The following NUDT18 variants were observed in gnomAD, a reference collection of about 807,000 sequenced individuals.
NUDT18 encodes 8-oxo-dGDP phosphatase NUDT18.
Under a neutral mutation model 27.6 loss-of-function variants are expected in NUDT18, and 26 were observed. The ratio of observed to expected loss-of-function variants is 0.94; its 90% CI spans 0.69 to 1.31. The LOEUF (loss-of-function observed/expected upper bound fraction) is 1.31, where lower values mean the gene tolerates loss of function less well. Ranked by LOEUF, NUDT18 falls within the 50% of genes most tolerant of loss-of-function variation. NUDT18 has a pLI of 0.00. For missense variants in NUDT18, 450 were observed against 433.4 expected (o/e 1.04, Z -0.34); for synonymous variants, 220 against 196.9 (o/e 1.12, Z -0.98).
chr8:22,109,347 G>A lies in NUDT18; in HGVS notation c.-47C>T, dbSNP rs1481727590. 4 of 1,323,592 alleles carry A rather than the reference G, an allele frequency of 3.0e-6. No individual in the cohort carries two copies. In the South Asian group the frequency reaches 5.8e-5, roughly 19 times the overall value. The allele number at this position is 1,323,592 out of a possible 1,614,324, so 82.0% of individuals were successfully genotyped here. ...GGCCGGATCCTCGCAGACCGACTGA[G>A]CCGAGCCGCGGGCTAGAGTGCGCTG... is the stretch of plus-strand genomic sequence containing the variant. On this transcript the variant is annotated 5_prime_UTR_variant, in exon 1 of 3. Transcript: ENST00000611621.
chr8:22,110,017 C>A (rs1169511453), upstream of NUDT18, among the ~76,000 whole-genome samples: 1 of 135,260 alleles, frequency 7.4e-6, no homozygotes, highest in African/African-American at 2.7e-5. Flanking sequence ...GTGCTAAATG[C>A]TTGGTTTGGG....
chr8:22,108,058 G>C (rs1456260383), intron 2 of NUDT18, 75 bp downstream of exon 2: 1 of 1,409,000 alleles, frequency 7.1e-7, no homozygotes, highest in Non-Finnish European at 9.4e-7. Flanking sequence ...TGGCTGTAGA[G>C]GGGCTCACCT....
chr8:22,107,127 G>C lies in NUDT18; in HGVS notation c.*173C>G. The C allele has an allele frequency of 1.7e-6, 1 of 603,528 alleles. No homozygotes were observed. The highest frequency in any genetic ancestry group is 2.9e-6 in the Non-Finnish European group (1 of 342,348). 37.4% of individuals were successfully genotyped at this position (603,528 alleles called of 1,614,324 possible). ...CGCTTGGTTAAAGGCACTGTCCCTTGTGCAATCTAGAGGAATGCTCCTCAA... is the reference window on the plus strand; with the variant it reads ...CGCTTGGTTAAAGGCACTGTCCCTTCTGCAATCTAGAGGAATGCTCCTCAA... On this transcript the variant is annotated 3_prime_UTR_variant, in exon 3 of 3. Transcript: ENST00000611621.
Position 22,109,394 on chromosome 8 carries a change from G to GCGGAGACCGCTCCCAGTCCCTA in NUDT18, c.-95_-94insTAGGGACTGGGAGCGGTCTCCG. On this transcript the variant is annotated 5_prime_UTR_variant, in exon 1 of 3. Coordinates refer to ENST00000611621, the MANE Select transcript of NUDT18 (RefSeq NM_024815.4). ...GCTGCGGAGCCCGCTCCCAGTCCCT[G>GCGGAGACCGCTCCCAGTCCCTA]CGGCAGCGGGCCGGGAGCTCACGAG... 2 of 1,212,142 alleles carry GCGGAGACCGCTCCCAGTCCCTA rather than the reference G, an allele frequency of 1.6e-6. No homozygotes were observed. Among genetic ancestry groups the GCGGAGACCGCTCCCAGTCCCTA allele is most frequent in the Non-Finnish European group, 2.1e-6 (2 of 940,036 alleles). 75.1% of individuals were successfully genotyped at this position (1,212,142 alleles called of 1,614,324 possible). A position where few individuals can be genotyped will look rare whatever the true frequency, so the allele number is the denominator to read the frequency against.
At chr8:22,110,362 C>T (rs554410817), upstream of NUDT18, among the ~76,000 whole-genome samples, 1 of 152,380 alleles carries the variant, frequency 6.6e-6, no homozygotes, top group African/African-American at 2.4e-5. Flanking sequence ...CACTGGAAGG[C>T]AAAGCCAGCT....
Position 22,107,226 on chromosome 8 carries a change from C to T in NUDT18, c.*74G>A, listed in dbSNP as rs559502531. On this transcript the variant is annotated 3_prime_UTR_variant, in exon 3 of 3. Coordinates refer to ENST00000611621, the MANE Select transcript of NUDT18 (RefSeq NM_024815.4). ...AAGATCCCTGATCGCCAGCCTCTTGCCTCCCTCAGAGGGAGACAAGTCCGC... is the reference window on the plus strand; with the variant it reads ...AAGATCCCTGATCGCCAGCCTCTTGTCTCCCTCAGAGGGAGACAAGTCCGC... The T allele has an allele frequency of 6.9e-5, 80 of 1,158,242 alleles. 1 individual carries two copies. The East Asian group carries it at 1.3e-3, about 19-fold the overall frequency. 71.7% of individuals were successfully genotyped at this position (1,158,242 alleles called of 1,614,324 possible).
In NUDT18 at chr8:22,109,144, C is replaced by A. The variant is rs539298217; in HGVS notation, c.157G>T (p.Glu53Ter). The A allele has an allele frequency of 2.0e-5, 29 of 1,437,918 alleles. No homozygotes were observed. The highest frequency in any genetic ancestry group is 2.8e-5 in the South Asian group (2 of 72,276). 89.1% of individuals were successfully genotyped at this position (1,437,918 alleles called of 1,614,324 possible). A position where few individuals can be genotyped will look rare whatever the true frequency, so the allele number is the denominator to read the frequency against. The change falls in exon 1 of 3, where the codon GAG becomes TAG. Residue 53 changes from glutamate to a stop codon, truncating the protein, a stop_gained. Coordinates refer to ENST00000611621, the MANE Select transcript of NUDT18 (RefSeq NM_024815.4). LOFTEE classifies it high-confidence loss of function. ...CYVVLAVFLS[E>*]QDEVLLIQEA... ...GCCCGGGGGCGGCCGCTCACCTGCTCGCTGAGGAACACGGCCAGCACCACG... is the reference window on the plus strand; with the variant it reads ...GCCCGGGGGCGGCCGCTCACCTGCTAGCTGAGGAACACGGCCAGCACCACG...
rs1826395376 is a variant in NUDT18 at position 22,107,862 on chromosome 8, G to A, written c.410C>T (p.Ala137Val). The change falls in exon 3 of 3, where the codon GCG (alanine) becomes GTG (valine). Residue 137 changes from alanine to valine, a missense_variant. Ala to Val is a moderately conservative substitution (Grantham distance 64). Transcript: ENST00000611621. ...GTACCAGGCAGCCTGCAGGGACTCC[G>A]CATCGGCCTCCTTGGAAGTCTTGAG... Reference protein sequence around the residue: ...GILKTSKEADAESLQAAWYPR... With the variant: ...GILKTSKEADVESLQAAWYPR... 3 of 1,597,282 alleles carry A rather than the reference G, an allele frequency of 1.9e-6. No homozygotes were observed. Among genetic ancestry groups the A allele is most frequent in the Admixed American group, 1.7e-5 (1 of 59,040 alleles).
Position 22,109,277 on chromosome 8 carries a change from C to A in NUDT18, c.24G>T (p.Gly8=). 7.2e-7 allele frequency: 1 copy of A among 1,388,758 alleles called. No homozygotes were observed. Among genetic ancestry groups the A allele is most frequent in the Non-Finnish European group, 9.3e-7 (1 of 1,077,596 alleles). The allele number at this position is 1,388,758 out of a possible 1,614,324, so 86.0% of individuals were successfully genotyped here. A position where few individuals can be genotyped will look rare whatever the true frequency, so the allele number is the denominator to read the frequency against. Residue 8 remains glycine (G), a synonymous_variant, in exon 1 of 3, where the codon GGG becomes GGT. Coordinates refer to ENST00000611621, the MANE Select transcript of NUDT18 (RefSeq NM_024815.4). ...GGCCAGCCAGCACGGAAGCCAGCGC[C>A]CCCGCCAGGCCCTCCGAGGCCATCG... MASEGLA[G]ALASVLAGQG...
chr8:22,108,218 C>A lies in NUDT18; in HGVS notation c.291G>T (p.Gly97=). Residue 97 remains glycine, a synonymous_variant, in exon 2 of 3, where the codon GGG becomes GGT. Transcript: ENST00000611621. ...ALQREVKEEA[G]LHCEPETLLS... is the part of the protein sequence containing the mutation. ...GCAGTGTCTCGGGCTCACAGTGCAG[C>A]CCCGCCTCCTCCTTCACCTCCCGCT... 1.9e-6 allele frequency: 3 copies of A among 1,597,192 alleles called. No homozygotes were observed. The highest frequency in any genetic ancestry group is 1.1e-5 in the South Asian group (1 of 88,290).
rs1014662103 is a variant in NUDT18 at position 22,106,940 on chromosome 8, C to T, written c.*360G>A. ...TCGGGGGACCTTCCCCAGTGCCCCT[C>T]CATGCTCGAAGGGCCTGGAAGGATC... On this transcript the variant is annotated 3_prime_UTR_variant, in exon 3 of 3. Coordinates refer to ENST00000611621, the MANE Select transcript of NUDT18 (RefSeq NM_024815.4). 2.5e-4 allele frequency: 49 copies of T among 195,738 alleles called. No individual in the cohort carries two copies. Among genetic ancestry groups the T allele is most frequent in the African/African-American group, 1.1e-3 (47 of 43,016 alleles). 12.1% of individuals were successfully genotyped at this position (195,738 alleles called of 1,614,324 possible).
rs3739435 is a variant in NUDT18, at chr8:22,107,602, T to C, written c.670A>G (p.Met224Val). Residue 224 changes from methionine to valine, a missense_variant, in exon 3 of 3, where the codon ATG (methionine) becomes GTG (valine). Physicochemically the swap from Met to Val is conservative, Grantham distance 21. Transcript: ENST00000611621. The part of the protein sequence containing the change: ...LPVTACGLDP[M>V]EQRGGMKMAV... ...ATCTTCATGCCACCCCTCTGCTCCA[T>C]AGGGTCGAGGCCACAGGCAGTGACA... 0.48 allele frequency: 774,546 copies of C among 1,612,790 alleles called. 189,229 individuals are homozygous for C. Among genetic ancestry groups the C allele is most frequent in the Admixed American group, 0.68 (40,630 of 59,998 alleles).
At position 22,107,052 on chromosome 8, in the gene NUDT18, G is replaced by A. The variant is rs1826376349; in HGVS notation, c.*248C>T. 1 of 465,896 alleles carries A rather than the reference G, an allele frequency of 2.1e-6. No individual in the cohort carries two copies. The highest frequency in any genetic ancestry group is 3.9e-5 in the Admixed American group (1 of 25,704). The allele number at this position is 465,896 out of a possible 1,614,324, so 28.9% of individuals were successfully genotyped here. ...AGAAAGCTCCCCATCCCCCTGGGAAGAGGCGTCAGCGTGCCCTCAGGGTAG... is the reference window on the plus strand; with the variant it reads ...AGAAAGCTCCCCATCCCCCTGGGAAAAGGCGTCAGCGTGCCCTCAGGGTAG... On this transcript the variant is annotated 3_prime_UTR_variant, in exon 3 of 3. Transcript: ENST00000611621.
rs1484891552 is a variant in NUDT18, at chr8:22,109,183, T to C, written c.118A>G (p.Lys40Glu). The change falls in exon 1 of 3, where the codon AAG becomes GAG. Residue 40 changes from lysine to glutamate, a missense_variant. Transcript: ENST00000611621. ...GCCAGCACCACGTAGCACACGTTCT[T>C]CCGCAGCCGCACGGGCGCCGGCGGC... ...GEPPAPVRLRKNVCYVVLAVF... is the reference protein window; with the variant it reads ...GEPPAPVRLRENVCYVVLAVF... The C allele has an allele frequency of 6.9e-7, 1 of 1,453,156 alleles. No individual in the cohort carries two copies. The highest frequency in any genetic ancestry group is 9.0e-7 in the Non-Finnish European group (1 of 1,112,366). 90.0% of individuals were successfully genotyped at this position (1,453,156 alleles called of 1,614,324 possible). A position where few individuals can be genotyped will look rare whatever the true frequency, so the allele number is the denominator to read the frequency against.
upstream of NUDT18, chr8:22,109,582 A>G (rs908173562): frequency 6.3e-5 from 33 of 524,686 alleles, no homozygotes; most frequent in South Asian, 2.6e-4. Context: ...TCCGGAGCCC[A>G]GCGGACCCCG....
Position 22,107,525 on chromosome 8 carries a change from C to A in NUDT18, c.747G>T (p.Val249=). 6.2e-7 allele frequency: 1 copy of A among 1,613,108 alleles called. No homozygotes were observed. Among genetic ancestry groups the A allele is most frequent in the South Asian group, 1.1e-5 (1 of 91,082 alleles). The stretch of plus-strand genomic sequence containing the variant: ...GCAGTCCAAGCAACCCCTTGATCTC[C>A]ACCACCAAGTGGTGCAGGGTCAGAC... The part of the protein sequence containing the change: ...QECLTLHHLV[V]EIKGLLGLQH... Residue 249 remains valine, a synonymous_variant, in exon 3 of 3, where the codon GTG becomes GTT. Transcript: ENST00000611621.
rs1365042164 is a variant in NUDT18, at chr8:22,107,703, TG to T, written c.568del (p.Gln190SerfsTer16). On this transcript the variant is annotated frameshift_variant, in exon 3 of 3. Coordinates refer to ENST00000611621, the MANE Select transcript of NUDT18 (RefSeq NM_024815.4). LOFTEE classifies it high-confidence loss of function. ...PQELPCDLVCQRLVATFTSAQ... is the reference protein window; with the variant it reads ...PQELPCDLVCXRLVATFTSAQ... ...GCTGGTAAAGGTAGCCACGAGCCGC[TG>T]GCAGACCAGATCACAGGGTAGCTCT... 3 of 1,613,224 alleles carry T rather than the reference TG, an allele frequency of 1.9e-6. No individual in the cohort carries two copies. In the African/African-American group the frequency reaches 4.0e-5, roughly 22 times the overall value.
chr8:22,109,396 G>GGAGACCGCTCCCAGTCCCTGCT lies in NUDT18; in HGVS notation c.-97_-96insAGCAGGGACTGGGAGCGGTCTC. The GGAGACCGCTCCCAGTCCCTGCT allele has an allele frequency of 3.4e-6, 4 of 1,174,194 alleles. No homozygotes were observed. The highest frequency in any genetic ancestry group is 2.2e-5 in the South Asian group (1 of 46,450). 72.7% of individuals were successfully genotyped at this position (1,174,194 alleles called of 1,614,324 possible). A position where few individuals can be genotyped will look rare whatever the true frequency, so the allele number is the denominator to read the frequency against. ...TGCGGAGCCCGCTCCCAGTCCCTGC[G>GGAGACCGCTCCCAGTCCCTGCT]GCAGCGGGCCGGGAGCTCACGAGAA... On this transcript the variant is annotated 5_prime_UTR_variant, in exon 1 of 3. Transcript: ENST00000611621.
rs1257570562 is a variant in NUDT18, at chr8:22,109,341, G to C, written c.-41C>G. On this transcript the variant is annotated 5_prime_UTR_variant, in exon 1 of 3. Coordinates refer to ENST00000611621, the MANE Select transcript of NUDT18 (RefSeq NM_024815.4). Reference sequence around the variant, plus strand: ...GCGGCGGGCCGGATCCTCGCAGACCGACTGAGCCGAGCCGCGGGCTAGAGT... The same window carrying C: ...GCGGCGGGCCGGATCCTCGCAGACCCACTGAGCCGAGCCGCGGGCTAGAGT... 7.5e-7 allele frequency: 1 copy of C among 1,324,736 alleles called. No individual in the cohort carries two copies. The highest frequency in any genetic ancestry group is 9.6e-7 in the Non-Finnish European group (1 of 1,045,510). 82.1% of individuals were successfully genotyped at this position (1,324,736 alleles called of 1,614,324 possible).
Sources: allele counts gnomAD v4.1 joint callset (sites outside exome capture counted in the v4.1 genomes callset), GRCh38; gene constraint gnomAD v4.1.1; transcripts MANE v1.5; gene names NCBI Gene and HGNC (gene_info 2026-07-23, HGNC 2026-07-21).